APBB1IP: variants seen among roughly 807,000 people sequenced by gnomAD.
The protein encoded by APBB1IP is amyloid beta precursor protein binding family B member 1 interacting protein.
Under a neutral mutation model 64.9 loss-of-function variants are expected in APBB1IP, and 27 were observed. That is an observed-to-expected ratio of 0.42 (90% CI 0.31 to 0.57). The LOEUF (loss-of-function observed/expected upper bound fraction) is 0.57. Among genes scored for constraint, APBB1IP ranks in the 20% least tolerant of loss-of-function variants. APBB1IP has a pLI of 0.20. For missense variants in APBB1IP, 812 were observed against 845.5 expected, an observed-to-expected ratio of 0.96 and a Z score of 0.49; for synonymous variants, 392 against 331.0, an observed-to-expected ratio of 1.18 and a Z score of -2.00.
intron 5 of APBB1IP, chr10:26,501,753 T>A (rs1244847572): frequency 6.6e-6 from 1 of 152,584 alleles, no homozygotes; most frequent in Non-Finnish European, 1.5e-5. Flanking sequence ...GATTTTCTTT[T>A]TAGAGTAAGC....
intron 14 of APBB1IP, among the ~76,000 whole-genome samples, chr10:26,566,179 G>T (rs559491620): frequency 6.6e-6 from 1 of 152,322 alleles, no homozygotes; most frequent in East Asian, 1.9e-4. Context: ...AGCTACTCAG[G>T]AGGCTGAGGC....
At chr10:26,501,412 A>C (rs1836098473) in intron 5 of APBB1IP, 1 of 538,850 alleles carries the variant, frequency 1.9e-6, no homozygotes, top group East Asian at 2.9e-5. Flanking sequence ...TATTAACATC[A>C]TATTGAAATG....
rs568313284 is a variant in APBB1IP at position 26,495,898 on chromosome 10, T to C, written c.73-406T>C. On this transcript the variant is annotated intron_variant, in intron 3 of 14. Transcript: ENST00000376236. The stretch of plus-strand genomic sequence containing the variant: ...GTCATTACAGAATTTTATATATATA[T>C]ATTTATATAAATATATATTTTATAT... Among the ~76,000 whole-genome samples the C allele has an allele frequency of 7.0e-5, 10 of 143,422 alleles. No homozygotes were observed. In the South Asian group the frequency reaches 1.9e-3, roughly 27 times the overall value. 94.1% of individuals were successfully genotyped at this position (143,422 alleles called of 152,430 possible). A position where few individuals can be genotyped will look rare whatever the true frequency, so the allele number is the denominator to read the frequency against.
At chr10:26,442,190 G>A (rs1011057333) in intron 2 of APBB1IP, among the ~76,000 whole-genome samples, 7 of 152,154 alleles carry the variant, frequency 4.6e-5, no homozygotes, top group South Asian at 2.1e-4. Flanking sequence ...CCAGGGTCAC[G>A]GGAGAAGGTT....
intron 5 of APBB1IP, among the ~76,000 whole-genome samples, chr10:26,502,625 G>C (rs996635034): frequency 1.5e-4 from 22 of 149,736 alleles, no homozygotes; most frequent in African/African-American, 5.2e-4. Flanking sequence ...CTGGGCAACA[G>C]AGTGAGACTC....
In APBB1IP at chr10:26,550,757, C is replaced by A. The variant is rs905448307; in HGVS notation, c.1155+9065C>A. ...ACCTCTTTTTGTCCATTTAGTGAGA[C>A]CATGTTTTCTAGGCTATTCTTACTC... On this transcript the variant is annotated intron_variant, in intron 11 of 14. Coordinates refer to ENST00000376236, the MANE Select transcript of APBB1IP (RefSeq NM_019043.4). Among the ~76,000 whole-genome samples the A allele has an allele frequency of 9.2e-5, 14 of 152,108 alleles. No homozygotes were observed. In the South Asian group the frequency reaches 2.9e-3, roughly 32 times the overall value.
rs374358481 is a variant in APBB1IP at position 26,511,212 on chromosome 10, C to T, written c.532-535C>T. Among the ~76,000 whole-genome samples, 17 of 152,200 alleles carry T rather than the reference C, an allele frequency of 1.1e-4. No homozygotes were observed. The South Asian group carries it at 1.5e-3, about 13-fold the overall frequency. The stretch of plus-strand genomic sequence containing the variant: ...AAAAAAAATTAGCTGGGCATGGTAG[C>T]AGGCACCTGTAATCCCAACTACTAG... On this transcript the variant is annotated intron_variant, in intron 6 of 14. Coordinates refer to ENST00000376236, the MANE Select transcript of APBB1IP (RefSeq NM_019043.4).
intron 10 of APBB1IP, among the ~76,000 whole-genome samples, chr10:26,539,431 AAG>A (rs914250372): frequency 6.6e-6 from 1 of 151,492 alleles, no homozygotes; most frequent in African/African-American, 2.4e-5. Flanking sequence ...GAAGGAAAGA[AAG>A]AGAGAGAGTG....
chr10:26,471,684 CTTTT>C (rs771915939), intron 2 of APBB1IP, among the ~76,000 whole-genome samples: 1 of 151,648 alleles, frequency 6.6e-6, no homozygotes, highest in East Asian at 1.9e-4. Context: ...ACTGTTTAAG[CTTTT>C]TTTGTTTTTT....
At chr10:26,538,425 G>A (rs181352772) in intron 10 of APBB1IP, among the ~76,000 whole-genome samples, 51 of 151,752 alleles carry the variant, frequency 3.4e-4, no homozygotes, top group African/African-American at 1.1e-3. Flanking sequence ...GGCGAATCAC[G>A]AGGTCAGGAG....
intron 2 of APBB1IP, among the ~76,000 whole-genome samples, chr10:26,477,640 A>C (rs975612544): frequency 6.6e-6 from 1 of 152,208 alleles, no homozygotes; most frequent in Non-Finnish European, 1.5e-5. Flanking sequence ...AAGATTTTTC[A>C]TGACCAAGGT....
intron 8 of APBB1IP, among the ~76,000 whole-genome samples, chr10:26,526,699 A>G (rs1021600692): frequency 2.0e-5 from 3 of 151,316 alleles, no homozygotes; most frequent in African/African-American, 7.3e-5. Context: ...AGCCTGGGCA[A>G]CAGAGTGAGA....
chr10:26,450,947 C>G (rs1232650958), intron 2 of APBB1IP, among the ~76,000 whole-genome samples: 1 of 152,092 alleles, frequency 6.6e-6, no homozygotes, highest in Non-Finnish European at 1.5e-5. Context: ...CCACCCGCCT[C>G]GTCCTCCCAA....
chr10:26,522,631 T>C (rs1836417224), intron 8 of APBB1IP, among the ~76,000 whole-genome samples: 1 of 152,218 alleles, frequency 6.6e-6, no homozygotes, highest in Admixed American at 6.5e-5. Flanking sequence ...TCTGTCACCA[T>C]AGGACACTTA....
chr10:26,492,484 T>C (rs1835967702), intron 3 of APBB1IP, 86 bp downstream of exon 3: 13 of 1,268,406 alleles, frequency 1.0e-5, no homozygotes, highest in Non-Finnish European at 1.5e-5. Context: ...AGCTGTCTTT[T>C]TTAAAACCCT....
Position 26,512,014 on chromosome 10 carries a change from G to C in APBB1IP, c.691+108G>C, listed in dbSNP as rs1564365328. The C allele has an allele frequency of 3.2e-6, 4 of 1,265,696 alleles. No homozygotes were observed. The East Asian group carries it at 1.0e-4, about 32-fold the overall frequency. 78.4% of individuals were successfully genotyped at this position (1,265,696 alleles called of 1,614,324 possible). A position where few individuals can be genotyped will look rare whatever the true frequency, so the allele number is the denominator to read the frequency against. ...TCTCTTTAATTTTATATAAAAAATA[G>C]ACACATGCTCTCACTATGCTGCCCA... On this transcript the variant is annotated intron_variant, in intron 7 of 14. Transcript: ENST00000376236.
intron 2 of APBB1IP, among the ~76,000 whole-genome samples, chr10:26,449,454 T>C (rs1448361529): frequency 6.6e-6 from 1 of 152,198 alleles, no homozygotes; most frequent in Non-Finnish European, 1.5e-5. Context: ...GCACTTCATA[T>C]GCACCAGGCA....
At chr10:26,462,700 C>CT (rs1358882172) in intron 2 of APBB1IP, among the ~76,000 whole-genome samples, 1 of 152,020 alleles carries the variant, frequency 6.6e-6, no homozygotes, top group Non-Finnish European at 1.5e-5. Context: ...TTTAGGAATG[C>CT]TTTTTTTAGT....
At chr10:26,474,179 C>T (rs1484813373) in intron 2 of APBB1IP, among the ~76,000 whole-genome samples, 1 of 152,024 alleles carries the variant, frequency 6.6e-6, no homozygotes, top group Non-Finnish European at 1.5e-5. Flanking sequence ...GTAGATTGAG[C>T]CTTTCAGAGA....
Sources: gnomAD v4.1 joint callset for allele counts (sites outside exome capture counted in the v4.1 genomes callset) on GRCh38, gnomAD v4.1.1 for gene constraint, MANE v1.5 for transcripts, NCBI Gene and HGNC (gene_info 2026-07-23, HGNC 2026-07-21) for gene names.